Variants in MYRIP observed in about 807,000 individuals in gnomAD.
MYRIP encodes the protein rab effector MyRIP.
MYRIP carries 49 observed loss-of-function variants against 98.0 expected under a neutral mutation model. That is an observed-to-expected ratio of 0.50 (90% CI 0.40 to 0.63). The LOEUF (loss-of-function observed/expected upper bound fraction) is 0.63, where lower values mean the gene tolerates loss of function less well. Ranked by LOEUF, MYRIP falls within the 30% of genes least tolerant of loss-of-function variation. MYRIP has a pLI of 0.00. For missense variants in MYRIP, 1,004 were observed against 1,058.2 expected (o/e 0.95, Z 0.71); for synonymous variants, 404 against 409.5 (o/e 0.99, Z 0.16).
chr3:40,031,409 A>C (rs1559371903), intron 2 of MYRIP, among the ~76,000 whole-genome samples: 2 of 152,138 alleles, frequency 1.3e-5, no homozygotes. Context: ...GGTCTGTCTA[A>C]TCCAGTGGGA....
intron 2 of MYRIP, among the ~76,000 whole-genome samples, chr3:40,012,637 C>T (rs12629460): frequency 0.28 from 41,847 of 152,032 alleles, 6,435 homozygotes; most frequent in Non-Finnish European, 0.35. Context: ...TGGGCATCAT[C>T]CAATCCACTG....
intron 2 of MYRIP, among the ~76,000 whole-genome samples, chr3:39,972,260 T>C (rs149038935): frequency 3.6e-4 from 55 of 152,194 alleles, no homozygotes; most frequent in African/African-American, 1.3e-3. Flanking sequence ...TGGTTTCTTC[T>C]CTGAGGTAGT....
chr3:40,191,794 C>A (rs1316031755), intron 10 of MYRIP, among the ~76,000 whole-genome samples: 1 of 152,146 alleles, frequency 6.6e-6, no homozygotes, highest in African/African-American at 2.4e-5. Context: ...AAGTGTGAAT[C>A]ATTATTGTCT....
chr3:40,129,484 A>G (rs1413185491), intron 3 of MYRIP, among the ~76,000 whole-genome samples: 1 of 123,172 alleles, frequency 8.1e-6, no homozygotes, highest in Non-Finnish European at 1.8e-5. Flanking sequence ...AAATCATGCC[A>G]CCTCCGAAAA....
intron 12 of MYRIP, chr3:40,242,550 G>A (rs992150916): frequency 6.6e-6 from 1 of 150,894 alleles, no homozygotes; most frequent in African/African-American, 2.4e-5. Flanking sequence ...GATGTAAATA[G>A]CAATCAGGTT....
chr3:39,911,790 AACTT>A (rs1192200641), intron 2 of MYRIP, among the ~76,000 whole-genome samples: 1 of 152,162 alleles, frequency 6.6e-6, no homozygotes, highest in Non-Finnish European at 1.5e-5. Context: ...GTGGCATGAC[AACTT>A]ACTTGTTCTC....
chr3:40,254,613 A>G (rs1233624223), intron 16 of MYRIP, among the ~76,000 whole-genome samples: 1 of 152,114 alleles, frequency 6.6e-6, no homozygotes, highest in Non-Finnish European at 1.5e-5. Context: ...TGGGCAAAAT[A>G]TGGGGGAGGC....
chr3:39,951,966 A>G (rs898648076), intron 2 of MYRIP, among the ~76,000 whole-genome samples: 1 of 152,112 alleles, frequency 6.6e-6, no homozygotes, highest in Non-Finnish European at 1.5e-5. Context: ...ATTTCTAGTA[A>G]ATTTATAGAG....
At chr3:40,161,533 C>T (rs1444111104) in intron 4 of MYRIP, among the ~76,000 whole-genome samples, 1 of 152,190 alleles carries the variant, frequency 6.6e-6, no homozygotes, top group Non-Finnish European at 1.5e-5. Context: ...TGTTGCCTCC[C>T]CCTCCCCTTG....
intron 1 of MYRIP, among the ~76,000 whole-genome samples, chr3:39,872,408 A>G (rs1483363164): frequency 2.0e-5 from 3 of 151,956 alleles, no homozygotes. Flanking sequence ...ACATATGTAT[A>G]CATGTGCCAT....
At chr3:40,018,324 A>G (rs894909306) in intron 2 of MYRIP, among the ~76,000 whole-genome samples, 3 of 152,324 alleles carry the variant, frequency 2.0e-5, no homozygotes, top group Non-Finnish European at 4.4e-5. Context: ...GGATGATGCC[A>G]TGATATAAAT....
At chr3:39,901,641 A>G (rs146257677) in intron 2 of MYRIP, among the ~76,000 whole-genome samples, 4 of 152,258 alleles carry the variant, frequency 2.6e-5, no homozygotes, top group African/African-American at 4.8e-5. Context: ...TATAAAACCT[A>G]TTATTCCTTG....
chr3:39,870,219 G>C (rs767892420), intron 1 of MYRIP, among the ~76,000 whole-genome samples: 1 of 152,116 alleles, frequency 6.6e-6, no homozygotes, highest in Non-Finnish European at 1.5e-5. Flanking sequence ...AGCTAATGAC[G>C]GTACTTCTAG....
At position 39,957,421 on chromosome 3, in the gene MYRIP, C is replaced by G. The variant is rs534184529; in HGVS notation, c.110+56495C>G. ...TCCATCATATAAACAGAACCAACGA[C>G]AAAAACCACATGATTATCTCAATAC... is the stretch of plus-strand genomic sequence containing the variant. On this transcript the variant is annotated intron_variant, in intron 2 of 16. Transcript: ENST00000302541. 1.9e-3 allele frequency among the ~76,000 whole-genome samples: 287 copies of G among 152,196 alleles called. 4 individuals carry two copies. Among genetic ancestry groups the G allele is most frequent in the African/African-American group, 6.6e-3 (273 of 41,510 alleles).
rs147671584 is a variant in MYRIP at position 40,090,740 on chromosome 3, C to T, written c.332+46469C>T. On this transcript the variant is annotated intron_variant, in intron 3 of 16. Coordinates refer to ENST00000302541, the MANE Select transcript of MYRIP (RefSeq NM_015460.4). ...GGGTAGTAAATGCTGACATTTTATG[C>T]GGCATGTGTTTCTGTGCCTTCCTTT... 1.7e-3 allele frequency among the ~76,000 whole-genome samples: 264 copies of T among 152,296 alleles called. 1 individual carries two copies. The highest frequency in any genetic ancestry group is 6.0e-3 in the African/African-American group (251 of 41,568).
intron 3 of MYRIP, among the ~76,000 whole-genome samples, chr3:40,135,164 T>C (rs138494723): frequency 0.015 from 2,307 of 152,216 alleles, 29 homozygotes; most frequent in Non-Finnish European, 0.024. Flanking sequence ...ATAACTAGAA[T>C]AACCAATGCA....
chr3:40,032,854 CA>C (rs56951317), intron 2 of MYRIP, among the ~76,000 whole-genome samples: 5 of 152,216 alleles, frequency 3.3e-5, no homozygotes, highest in Non-Finnish European at 4.4e-5. Context: ...AGCAGCACAT[CA>C]AAAAGCTTAT....
At chr3:39,887,300 A>C (rs1943335531) in intron 1 of MYRIP, among the ~76,000 whole-genome samples, 1 of 151,826 alleles carries the variant, frequency 6.6e-6, no homozygotes, top group Non-Finnish European at 1.5e-5. Flanking sequence ...AAGAGCAAAC[A>C]CATTCAAAAG....
intron 1 of MYRIP, among the ~76,000 whole-genome samples, chr3:39,872,258 T>G (rs1942815002): frequency 6.6e-6 from 1 of 152,040 alleles, no homozygotes; most frequent in African/African-American, 2.4e-5. Flanking sequence ...TTCGGTCTGA[T>G]TTTTCTTTCT....
Sources: allele counts gnomAD v4.1 joint callset (sites outside exome capture counted in the v4.1 genomes callset), GRCh38; gene constraint gnomAD v4.1.1; transcripts MANE v1.5; gene names NCBI Gene and HGNC (gene_info 2026-07-23, HGNC 2026-07-21).